Variants in MACROH2A2 observed in about 807,000 individuals in gnomAD.
MACROH2A2 encodes core histone macro-H2A.2.
In MACROH2A2, 6 loss-of-function variants were observed where a neutral mutation model predicts 37.6. That is an observed-to-expected ratio of 0.16 (90% CI 0.09 to 0.32). The LOEUF (loss-of-function observed/expected upper bound fraction) is 0.32. Among genes scored for constraint, MACROH2A2 ranks in the 10% least tolerant of loss-of-function variants. MACROH2A2 has a pLI of 1.00. For synonymous variants in MACROH2A2, 192 were observed against 202.7 expected (o/e 0.95, Z 0.45); for missense variants, 290 against 485.9 (o/e 0.60, Z 3.79).
At position 70,111,621 on chromosome 10, in the gene MACROH2A2, C is replaced by G; in HGVS notation, c.1057C>G (p.Leu353Val). Residue 353 changes from leucine to valine, a missense_variant, in exon 9 of 9, where the codon CTC becomes GTC. This residue lies in a region of MACROH2A2 where 130 missense variants were observed against 257.1 expected (regional missense o/e 0.51). Coordinates refer to ENST00000373255, the MANE Select transcript of MACROH2A2 (RefSeq NM_018649.3). ...ASSLKNVYFL[L>V]FDSESIGIYV... ...CTCGCTGAAGAACGTGTACTTCCTG[C>G]TCTTCGACAGCGAGAGCATCGGCAT... is the stretch of plus-strand genomic sequence containing the variant. The G allele has an allele frequency of 6.2e-7, 1 of 1,613,530 alleles. No individual in the cohort carries two copies. The highest frequency in any genetic ancestry group is 8.5e-7 in the Non-Finnish European group (1 of 1,179,760).
chr10:70,054,553 A>G (rs942330620), intron 1 of MACROH2A2, among the ~76,000 whole-genome samples: 3 of 152,238 alleles, frequency 2.0e-5, no homozygotes, highest in Non-Finnish European at 4.4e-5. Flanking sequence ...CACAGTTGCT[A>G]CTGAAACGGT....
intron 4 of MACROH2A2, 143 bp downstream of exon 4, chr10:70,092,097 T>C (rs1319687281): frequency 3.0e-6 from 2 of 675,834 alleles, no homozygotes; most frequent in Admixed American, 5.6e-5. Context: ...AACTAGATCA[T>C]GAGGGCGAGT....
At chr10:70,080,781 A>C (rs1471504869) in intron 2 of MACROH2A2, among the ~76,000 whole-genome samples, 1 of 149,708 alleles carries the variant, frequency 6.7e-6, no homozygotes, top group African/African-American at 2.4e-5. Flanking sequence ...GCTACTTGGG[A>C]AGCTGAGGCA....
At chr10:70,084,966 AC>A (rs778880757) in intron 2 of MACROH2A2, among the ~76,000 whole-genome samples, 9 of 152,182 alleles carry the variant, frequency 5.9e-5, no homozygotes, top group Non-Finnish European at 1.2e-4. Flanking sequence ...GATCTGGAGA[AC>A]AACAAAACTA....
intron 1 of MACROH2A2, among the ~76,000 whole-genome samples, chr10:70,071,917 TTA>T (rs2072113463): frequency 6.6e-6 from 1 of 152,228 alleles, no homozygotes; most frequent in Non-Finnish European, 1.5e-5. Flanking sequence ...GCCCGGGACA[TTA>T]TTGTACACTA....
At chr10:70,108,937 C>A in intron 7 of MACROH2A2, 96 bp from the exon 8 acceptor site, 1 of 1,093,890 alleles carries the variant, frequency 9.1e-7, no homozygotes, top group Non-Finnish European at 1.4e-6. Context: ...TCTATCACTG[C>A]CTTATCTCCA....
chr10:70,074,110 C>T (rs950100507), intron 1 of MACROH2A2, among the ~76,000 whole-genome samples: 21 of 152,150 alleles, frequency 1.4e-4, no homozygotes, highest in African/African-American at 4.1e-4. Context: ...TTCCATTTGT[C>T]GGTTACGGTA....
chr10:70,106,319 A>G (rs1349418239), intron 7 of MACROH2A2, among the ~76,000 whole-genome samples: 1 of 152,240 alleles, frequency 6.6e-6, no homozygotes, highest in Non-Finnish European at 1.5e-5. Context: ...CAGCCCTTGC[A>G]ATAACTTGAC....
At chr10:70,111,255 A>C (rs1053839518) in intron 8 of MACROH2A2, among the ~76,000 whole-genome samples, 2 of 152,128 alleles carry the variant, frequency 1.3e-5, no homozygotes, top group African/African-American at 4.8e-5. Flanking sequence ...GGCAACAGAG[A>C]GAGACTCCAT....
At chr10:70,101,482 C>T (rs556435282) in intron 7 of MACROH2A2, among the ~76,000 whole-genome samples, 180 of 151,836 alleles carry the variant, frequency 1.2e-3, no homozygotes, top group African/African-American at 4.2e-3. Context: ...GGGTGGCCTT[C>T]CACCCTTTGG....
In MACROH2A2 at chr10:70,093,790, G is replaced by A. The variant is rs1458188810; in HGVS notation, c.533G>A (p.Gly178Glu). 3 of 1,612,398 alleles carry A rather than the reference G, an allele frequency of 1.9e-6. No homozygotes were observed. The African/African-American group carries it at 4.0e-5, about 22-fold the overall frequency. ...ACTTCAAATTCCACCTCTGAAGATG[G>A]GCCAGGGGATGGATTCACCATTCTG... ...EGTSNSTSED[G>E]PGDGFTILSS... Residue 178 changes from glycine (G) to glutamate (E), a missense_variant, in exon 5 of 9, where the codon GGG (glycine) becomes GAG (glutamate). Coordinates refer to ENST00000373255, the MANE Select transcript of MACROH2A2 (RefSeq NM_018649.3).
chr10:70,088,385 A>G (rs2072224999), intron 2 of MACROH2A2, among the ~76,000 whole-genome samples: 2 of 152,260 alleles, frequency 1.3e-5, no homozygotes, highest in Admixed American at 1.3e-4. Flanking sequence ...TTAAAGGCTC[A>G]TTCATACTTT....
chr10:70,105,613 A>G (rs2072332890), intron 7 of MACROH2A2, among the ~76,000 whole-genome samples: 1 of 152,142 alleles, frequency 6.6e-6, no homozygotes, highest in South Asian at 2.1e-4. Flanking sequence ...AATCAGGAGC[A>G]GTTGCAGATT....
At chr10:70,092,164 C>A (rs912195121) in intron 4 of MACROH2A2, among the ~76,000 whole-genome samples, 2 of 152,216 alleles carry the variant, frequency 1.3e-5, no homozygotes, top group Admixed American at 1.3e-4. Context: ...CAGAGGGACC[C>A]TTCTGCCATG....
At chr10:70,077,424 C>T (rs111915857) in intron 2 of MACROH2A2, among the ~76,000 whole-genome samples, 4,159 of 149,710 alleles carry the variant, frequency 0.028, 70 homozygotes, top group Middle Eastern at 0.043. Flanking sequence ...AAAAATTAGC[C>T]AGGCGTGATG....
chr10:70,078,478 G>T (rs1006256430), intron 2 of MACROH2A2, among the ~76,000 whole-genome samples: 4 of 152,180 alleles, frequency 2.6e-5, no homozygotes, highest in Non-Finnish European at 4.4e-5. Flanking sequence ...CCAAAGGCAG[G>T]CAGGCACTGA....
chr10:70,109,763 G>A (rs1177228775), intron 8 of MACROH2A2, among the ~76,000 whole-genome samples: 1 of 152,192 alleles, frequency 6.6e-6, no homozygotes, highest in African/African-American at 2.4e-5. Flanking sequence ...AATACACCCA[G>A]AGAAGTGAAA....
intron 2 of MACROH2A2, among the ~76,000 whole-genome samples, chr10:70,087,834 C>T (rs1374171643): frequency 2.6e-5 from 4 of 152,102 alleles, no homozygotes; most frequent in South Asian, 2.1e-4. Context: ...AATGAATTTG[C>T]GGTGATTCAG....
Position 70,091,871 on chromosome 10 carries a change from C to A in MACROH2A2, c.394C>A (p.Pro132Thr), listed in dbSNP as rs2072247041. 3.1e-6 allele frequency: 5 copies of A among 1,613,906 alleles called. No individual in the cohort carries two copies. Among genetic ancestry groups the A allele is most frequent in the African/African-American group, 1.3e-5 (1 of 74,866 alleles). The change falls in exon 4 of 9, where the codon CCA becomes ACA. Residue 132 changes from proline to threonine, a missense_variant. Pro to Thr is a conservative substitution (Grantham distance 38, BLOSUM62 -1). Around this residue, in one of 3 missense-constraint regions of MACROH2A2, gnomAD observed 77 missense variants for 68.9 expected, o/e 1.12. Coordinates refer to ENST00000373255, the MANE Select transcript of MACROH2A2 (RefSeq NM_018649.3). ...GTCGGAAACGATCCTCTCCCCACCC[C>A]CAGAGAAAAGAGGCAGGAAGGCCAC... ...GKSETILSPP[P>T]EKRGRKATSG...
Sources: allele counts gnomAD v4.1 joint callset (sites outside exome capture counted in the v4.1 genomes callset), GRCh38; gene constraint gnomAD v4.1.1; regional missense constraint gnomAD v4.1.1; transcripts MANE v1.5; gene names NCBI Gene and HGNC (gene_info 2026-07-23, HGNC 2026-07-21).